SCN9A: variants seen among roughly 807,000 people sequenced by gnomAD.
The protein encoded by SCN9A is sodium channel protein type 9 subunit alpha.
In SCN9A, 131 loss-of-function variants were observed where a neutral mutation model predicts 187.0. That is an observed-to-expected ratio of 0.70 (90% CI 0.61 to 0.81). The LOEUF is 0.81. Ranked by LOEUF, SCN9A falls within the 30% of genes least tolerant of loss-of-function variation. The pLI, the probability that SCN9A is intolerant of heterozygous loss-of-function variation, is 0.00. For synonymous variants in SCN9A, 809 were observed against 808.6 expected, an observed-to-expected ratio of 1.00 and a Z score of -0.01; for missense variants, 2,252 against 2,396.6, an observed-to-expected ratio of 0.94 and a Z score of 1.26.
At chr2:166,269,190 T>C (rs186339864) in intron 17 of SCN9A, among the ~76,000 whole-genome samples, 62 of 151,966 alleles carry the variant, frequency 4.1e-4, no homozygotes, top group African/African-American at 1.4e-3. Context: ...GACAACTCAG[T>C]TTATAGGGCA....
chr2:166,223,258 T>G (rs919245454), intron 24 of SCN9A, among the ~76,000 whole-genome samples: 2 of 152,202 alleles, frequency 1.3e-5, no homozygotes, highest in Non-Finnish European at 1.5e-5. Flanking sequence ...CTTACTTCCA[T>G]GTTCACTTCA....
chr2:166,225,026 C>T (rs1694786015), intron 24 of SCN9A, among the ~76,000 whole-genome samples: 1 of 152,080 alleles, frequency 6.6e-6, no homozygotes, highest in Non-Finnish European at 1.5e-5. Flanking sequence ...CTTCCCTACT[C>T]AACATATATG....
At chr2:166,208,076 A>G (rs1260892781) in intron 24 of SCN9A, among the ~76,000 whole-genome samples, 1 of 152,228 alleles carries the variant, frequency 6.6e-6, no homozygotes, top group Non-Finnish European at 1.5e-5. Flanking sequence ...TTCAATAGAG[A>G]AACTTGCGTG....
chr2:166,214,256 G>A (rs549342625), intron 24 of SCN9A, among the ~76,000 whole-genome samples: 46 of 152,110 alleles, frequency 3.0e-4, no homozygotes, highest in African/African-American at 1.0e-3. Context: ...ACGATGGGGG[G>A]TTTTGAACTG....
intron 1 of SCN9A, among the ~76,000 whole-genome samples, chr2:166,371,289 T>C (rs1474270756): frequency 6.6e-6 from 1 of 152,260 alleles, no homozygotes. Context: ...GTTCTACATA[T>C]GTCAATTCAA....
chr2:166,204,478 C>T lies in SCN9A; in HGVS notation c.4399-14G>A. 2 of 611,712 alleles carry T rather than the reference C, an allele frequency of 3.3e-6. No homozygotes were observed. The highest frequency in any genetic ancestry group is 2.2e-5 in the South Asian group (1 of 44,950). 37.9% of individuals were successfully genotyped at this position (611,712 alleles called of 1,614,324 possible). On this transcript the variant is annotated splice_polypyrimidine_tract_variant and intron_variant, in intron 24 of 26. Transcript: ENST00000642356. ...TTGACCTCCAAGGTAAAGAAACAAACAAAAAATAAATGTAGTTAAAACCAG... is the reference window on the plus strand; with the variant it reads ...TTGACCTCCAAGGTAAAGAAACAAATAAAAAATAAATGTAGTTAAAACCAG...
rs1697593586 is a variant in SCN9A at position 166,283,652 on chromosome 2, A to G, written c.1974+801T>C. ...TTTGCTTTTATGTTTGTTTGTGTCA[A>G]TGCTTGCATTTCAGATATTTTGTTT... On this transcript the variant is annotated intron_variant, in intron 12 of 26. Coordinates refer to ENST00000642356, the MANE Select transcript of SCN9A (RefSeq NM_001365536.1). Among the ~76,000 whole-genome samples the G allele has an allele frequency of 2.0e-5, 3 of 152,178 alleles. No individual in the cohort carries two copies. The South Asian group carries it at 6.2e-4, about 31-fold the overall frequency.
In SCN9A at chr2:166,283,319, A is replaced by T. The variant is rs368099721; in HGVS notation, c.1974+1134T>A. 3.5e-3 allele frequency among the ~76,000 whole-genome samples: 537 copies of T among 152,314 alleles called. 2 individuals carry two copies. The highest frequency in any genetic ancestry group is 0.012 in the African/African-American group (505 of 41,578). ...CACACATAGAGGTCACATGTTACCT[A>T]AAAGCACATGCATTTATTCAAATTG... On this transcript the variant is annotated intron_variant, in intron 12 of 26. Transcript: ENST00000642356.
chr2:166,321,575 T>A lies in SCN9A; in HGVS notation c.-50-9769A>T, dbSNP rs535419397. 2.6e-5 allele frequency: 4 copies of A among 151,358 alleles called. No homozygotes were observed. The East Asian group carries it at 7.8e-4, about 29-fold the overall frequency. The allele number at this position is 151,358 out of a possible 1,614,324, so 9.4% of individuals were successfully genotyped here. A position where few individuals can be genotyped will look rare whatever the true frequency, so the allele number is the denominator to read the frequency against. On this transcript the variant is annotated intron_variant, in intron 1 of 26. Transcript: ENST00000642356. Reference sequence around the variant, plus strand: ...AATAGAAACAACACATATTTTGAACTCCGAGTCTCTATTATGTTCAATTAA... The same window carrying A: ...AATAGAAACAACACATATTTTGAACACCGAGTCTCTATTATGTTCAATTAA...
At chr2:166,255,997 C>T (rs541780744) in intron 17 of SCN9A, among the ~76,000 whole-genome samples, 40 of 151,414 alleles carry the variant, frequency 2.6e-4, no homozygotes, top group African/African-American at 8.7e-4. Context: ...TAGTAAATTT[C>T]AATTAAAGGA....
At chr2:166,215,547 TCAAA>T (rs1694294249) in intron 24 of SCN9A, among the ~76,000 whole-genome samples, 1 of 151,618 alleles carries the variant, frequency 6.6e-6, no homozygotes, top group Non-Finnish European at 1.5e-5. Flanking sequence ...AAAAGACAAC[TCAAA>T]CAATATCTGA....
intron 18 of SCN9A, among the ~76,000 whole-genome samples, chr2:166,249,788 A>C (rs1434153598): frequency 6.6e-6 from 1 of 152,082 alleles, no homozygotes; most frequent in Non-Finnish European, 1.5e-5. Context: ...AGTTTTTTGA[A>C]GTCATTTTTT....
chr2:166,304,157 A>G, intron 6 of SCN9A, 81 bp downstream of exon 6: 1 of 1,612,222 alleles, frequency 6.2e-7, no homozygotes, highest in South Asian at 1.1e-5. Flanking sequence ...CAGTGACGAC[A>G]CACACACAAA....
chr2:166,262,020 T>C (rs183939191), intron 17 of SCN9A, among the ~76,000 whole-genome samples: 91 of 152,072 alleles, frequency 6.0e-4, no homozygotes, highest in Admixed American at 1.4e-3. Flanking sequence ...ATCTGGACTT[T>C]AGTGATATTT....
intron 17 of SCN9A, among the ~76,000 whole-genome samples, chr2:166,258,071 T>C (rs1424743515): frequency 6.6e-6 from 1 of 151,502 alleles, no homozygotes; most frequent in Non-Finnish European, 1.5e-5. Context: ...ATAACAATAA[T>C]ACAAACATCT....
chr2:166,320,171 G>C (rs1699202717), intron 1 of SCN9A, among the ~76,000 whole-genome samples: 1 of 152,016 alleles, frequency 6.6e-6, no homozygotes, highest in South Asian at 2.1e-4. Flanking sequence ...AGCGGGAAGT[G>C]ATTATTCCCT....
At chr2:166,217,669 C>T (rs1158869621) in intron 24 of SCN9A, among the ~76,000 whole-genome samples, 1 of 151,980 alleles carries the variant, frequency 6.6e-6, no homozygotes, top group East Asian at 1.9e-4. Flanking sequence ...GAAATATTAC[C>T]TCACACCTCC....
intron 1 of SCN9A, among the ~76,000 whole-genome samples, chr2:166,345,212 T>C (rs1699871804): frequency 1.3e-5 from 2 of 152,100 alleles, no homozygotes; most frequent in African/African-American, 2.4e-5. Context: ...ATATCTTGAT[T>C]ATGTGGTACT....
intron 1 of SCN9A, among the ~76,000 whole-genome samples, chr2:166,375,274 G>A (rs2105336544): frequency 6.6e-6 from 1 of 152,308 alleles, no homozygotes; most frequent in Admixed American, 6.5e-5. Flanking sequence ...TGCACGCTCA[G>A]CTTTGCAGAT....
Sources: gnomAD v4.1 joint callset for allele counts (sites outside exome capture counted in the v4.1 genomes callset) on GRCh38, gnomAD v4.1.1 for gene constraint, MANE v1.5 for transcripts, NCBI Gene and HGNC (gene_info 2026-07-23, HGNC 2026-07-21) for gene names.